The following WSB2 variants were observed in gnomAD, a reference collection of about 807,000 sequenced individuals.
The protein encoded by WSB2 is WD repeat and SOCS box containing 2, also known as WD repeat and SOCS box-containing protein 2.
In WSB2, 12 loss-of-function variants were observed where a neutral mutation model predicts 48.8. The observed-to-expected ratio is 0.25, with a 90% CI of 0.16 to 0.40. WSB2 has a LOEUF of 0.40. WSB2 is among the 10% of genes least tolerant of loss of function. The probability of loss-of-function intolerance (pLI) is 1.00; values close to 1 mark genes in which losing one functional copy is unlikely to be tolerated. For missense variants in WSB2, 317 were observed against 506.2 expected (o/e 0.63, Z 3.59); for synonymous variants, 191 against 203.1 (o/e 0.94, Z 0.51).
intron 1 of WSB2, among the ~76,000 whole-genome samples, chr12:118,058,564 C>T (rs1295773835): frequency 1.3e-5 from 2 of 152,084 alleles, no homozygotes; most frequent in African/African-American, 4.8e-5. Context: ...GCTGCCTAGA[C>T]TGGTCTCAAA....
At chr12:118,050,420 G>A (rs1161975988) in intron 2 of WSB2, among the ~76,000 whole-genome samples, 1 of 151,066 alleles carries the variant, frequency 6.6e-6, no homozygotes, top group Non-Finnish European at 1.5e-5. Context: ...AGGCTGAGGC[G>A]GGAGGATTTC....
At position 118,061,022 on chromosome 12, in the gene WSB2, C is replaced by T; in HGVS notation, c.13+14G>A. Reference sequence around the variant, plus strand: ...CCCCGCCGGGCGGGAACGGGCGCGCCCGGCCCCACTCACCTCCGGCCTCCA... The same window carrying T: ...CCCCGCCGGGCGGGAACGGGCGCGCTCGGCCCCACTCACCTCCGGCCTCCA... On this transcript the variant is annotated intron_variant, in intron 1 of 8. Transcript: ENST00000315436. 1 of 985,492 alleles carries T rather than the reference C, an allele frequency of 1.0e-6. No individual in the cohort carries two copies. The highest frequency in any genetic ancestry group is 1.2e-6 in the Non-Finnish European group (1 of 830,000). 61.0% of individuals were successfully genotyped at this position (985,492 alleles called of 1,614,324 possible). A position where few individuals can be genotyped will look rare whatever the true frequency, so the allele number is the denominator to read the frequency against.
In WSB2 at chr12:118,033,902, G is replaced by A. The variant is rs2031437846; in HGVS notation, c.*294C>T. 2.7e-6 allele frequency: 1 copy of A among 370,816 alleles called. No individual in the cohort carries two copies. Among genetic ancestry groups the A allele is most frequent in the South Asian group, 3.2e-5 (1 of 31,238 alleles). 23.0% of individuals were successfully genotyped at this position (370,816 alleles called of 1,614,324 possible). On this transcript the variant is annotated 3_prime_UTR_variant, in exon 9 of 9. Transcript: ENST00000315436. ...AAAACAACATCAGTAACTGCACTTT[G>A]AATCAAAACAAGCAGAAAGAGTTCA...
At chr12:118,049,749 T>C (rs1392004613) in intron 2 of WSB2, among the ~76,000 whole-genome samples, 1 of 151,996 alleles carries the variant, frequency 6.6e-6, no homozygotes, top group Non-Finnish European at 1.5e-5. Context: ...CAGGCTTCCT[T>C]CCAAAAACTG....
chr12:118,039,816 TCA>T (rs2031591758), intron 4 of WSB2, among the ~76,000 whole-genome samples: 5 of 151,886 alleles, frequency 3.3e-5, no homozygotes, highest in Admixed American at 1.3e-4. Flanking sequence ...TGATCCCGGC[TCA>T]CTGCAACCTC....
intron 5 of WSB2, 103 bp downstream of exon 5, chr12:118,038,185 T>C (rs1349663544): frequency 9.1e-7 from 1 of 1,093,038 alleles, no homozygotes; most frequent in Admixed American, 3.1e-5. Flanking sequence ...TGCCTTCTAT[T>C]GGGGTGGATT....
rs763626482 is a variant in WSB2, at chr12:118,052,318, C to T, written c.174G>A (p.Glu58=). The T allele has an allele frequency of 2.5e-6, 4 of 1,613,848 alleles. No individual in the cohort carries two copies. In the African/African-American group the frequency reaches 5.3e-5, roughly 22 times the overall value. The change falls in exon 2 of 9, where the codon GAG becomes GAA. Residue 58 remains glutamate, a synonymous_variant. Coordinates refer to ENST00000315436, the MANE Select transcript of WSB2 (RefSeq NM_018639.5). ...CIVKLIPWPL[E]EQFIPKGFEA... ...AGTACGAGAATACTTACAACTGCTCCTCCAACGGCCAGGGGATCAGTTTGA... is the reference window on the plus strand; with the variant it reads ...AGTACGAGAATACTTACAACTGCTCTTCCAACGGCCAGGGGATCAGTTTGA...
At chr12:118,038,432 G>A (rs1393634990) in intron 4 of WSB2, 44 bp from the exon 5 acceptor site, 1 of 1,582,440 alleles carries the variant, frequency 6.3e-7, no homozygotes, top group South Asian at 1.1e-5. Flanking sequence ...CCTCAACAAA[G>A]CAGGAAGACT....
rs1209743372 is a variant in WSB2, at chr12:118,052,310, A to G, written c.182T>C (p.Phe61Ser). Residue 61 changes from phenylalanine (F) to serine (S), a missense_variant and splice_region_variant, in exon 2 of 9, where the codon TTC (phenylalanine) becomes TCC (serine). By Grantham distance (155) the Phe-to-Ser change is radical. Transcript: ENST00000315436. The stretch of plus-strand genomic sequence containing the variant: ...GGGGCCCCAGTACGAGAATACTTAC[A>G]ACTGCTCCTCCAACGGCCAGGGGAT... ...KLIPWPLEEQ[F>S]IPKGFEAKSR... 2.5e-6 allele frequency: 4 copies of G among 1,613,770 alleles called. No individual in the cohort carries two copies. The highest frequency in any genetic ancestry group is 3.4e-6 in the Non-Finnish European group (4 of 1,179,786).
chr12:118,050,942 C>G (rs1036989778), intron 2 of WSB2, among the ~76,000 whole-genome samples: 1 of 151,912 alleles, frequency 6.6e-6, no homozygotes, highest in African/African-American at 2.4e-5. Flanking sequence ...GTCCCAGCTA[C>G]TTGGGAGGCT....
At chr12:118,050,468 C>T (rs1317016127) in intron 2 of WSB2, among the ~76,000 whole-genome samples, 1 of 151,560 alleles carries the variant, frequency 6.6e-6, no homozygotes, top group Non-Finnish European at 1.5e-5. Flanking sequence ...AGGCAAGACC[C>T]TGTCTCTACA....
intron 8 of WSB2, chr12:118,034,771 T>C (rs2031467476): frequency 1.8e-6 from 1 of 570,136 alleles, no homozygotes; most frequent in African/African-American, 1.9e-5. Flanking sequence ...TTAGGTGGCA[T>C]GACTTACAGA....
intron 4 of WSB2, 82 bp from the exon 5 acceptor site, chr12:118,038,470 A>T: frequency 7.6e-7 from 1 of 1,314,094 alleles, no homozygotes; most frequent in Non-Finnish European, 1.1e-6. Flanking sequence ...GGGTGGTAAC[A>T]GCCCCCAGCC....
In WSB2 at chr12:118,036,358, G is replaced by A. The variant is rs775359005; in HGVS notation, c.813C>T (p.Gly271=). 16 of 1,613,938 alleles carry A rather than the reference G, an allele frequency of 9.9e-6. No homozygotes were observed. Among genetic ancestry groups the A allele is most frequent in the African/African-American group, 6.7e-5 (5 of 74,902 alleles). The part of the protein sequence containing the change: ...TNVIMWDPYT[G]ERLRSLHHTQ... ...CTTACTGGAGTGACCTCAGCCTTTC[G>A]CCGGTGTAGGGGTCCCACATAATCA... The change falls in exon 6 of 9, where the codon GGC becomes GGT. Residue 271 remains glycine (G), a synonymous_variant. Transcript: ENST00000315436.
intron 1 of WSB2, among the ~76,000 whole-genome samples, chr12:118,055,683 C>T (rs537383320): frequency 2.0e-4 from 26 of 133,126 alleles, no homozygotes; most frequent in African/African-American, 7.5e-4. Flanking sequence ...GGCACAATCT[C>T]GGCTCACTGC....
chr12:118,038,838 G>C (rs1050897019), intron 4 of WSB2, among the ~76,000 whole-genome samples: 1 of 152,032 alleles, frequency 6.6e-6, no homozygotes, highest in African/African-American at 2.4e-5. Flanking sequence ...GTGCCACTGC[G>C]CCCAGCTCAT....
At chr12:118,061,582 G>A (rs893029658), upstream of WSB2, among the ~76,000 whole-genome samples, 2 of 151,110 alleles carry the variant, frequency 1.3e-5, no homozygotes, top group East Asian at 4.0e-4. Context: ...AGGGGAAAAG[G>A]GGGTGTTGGA....
intron 1 of WSB2, among the ~76,000 whole-genome samples, chr12:118,053,264 C>T (rs770472484): frequency 6.6e-6 from 1 of 152,166 alleles, no homozygotes; most frequent in Non-Finnish European, 1.5e-5. Context: ...TGTCCCCTCC[C>T]TGCAGGCCAC....
At chr12:118,050,805 A>G (rs1445707036) in intron 2 of WSB2, among the ~76,000 whole-genome samples, 1 of 152,090 alleles carries the variant, frequency 6.6e-6, no homozygotes, top group African/African-American at 2.4e-5. Context: ...TAATCCCAAC[A>G]CTTTGGGAGG....
Sources: allele counts gnomAD v4.1 joint callset (sites outside exome capture counted in the v4.1 genomes callset), GRCh38; gene constraint gnomAD v4.1.1; transcripts MANE v1.5; gene names NCBI Gene and HGNC (gene_info 2026-07-23, HGNC 2026-07-21).